KIAA1549L: variants seen among roughly 807,000 people sequenced by gnomAD.
The protein encoded by KIAA1549L is KIAA1549 like.
KIAA1549L carries 88 observed loss-of-function variants against 160.7 expected under a neutral mutation model. That is an observed-to-expected ratio of 0.55 (90% CI 0.46 to 0.65). The LOEUF is 0.65. Among genes scored for constraint, KIAA1549L ranks in the 30% least tolerant of loss-of-function variants. The pLI is 0.00. For synonymous variants in KIAA1549L, 950 were observed against 976.7 expected, an observed-to-expected ratio of 0.97 and a Z score of 0.51; for missense variants, 2,258 against 2,437.5, an observed-to-expected ratio of 0.93 and a Z score of 1.55.
At chr11:33,422,420 C>T (rs1418330743) in intron 1 of KIAA1549L, among the ~76,000 whole-genome samples, 1 of 151,958 alleles carries the variant, frequency 6.6e-6, no homozygotes, top group Non-Finnish European at 1.5e-5. Context: ...ACACTTACTC[C>T]CCTGCTAGAA....
intron 1 of KIAA1549L, among the ~76,000 whole-genome samples, chr11:33,525,730 C>T (rs1013846519): frequency 1.3e-5 from 2 of 151,992 alleles, no homozygotes; most frequent in Non-Finnish European, 2.9e-5. Flanking sequence ...GGCAAGATTT[C>T]AGCTCTGCTC....
chr11:33,559,666 C>T, intron 6 of KIAA1549L, 83 bp from the exon 7 acceptor site: 2 of 1,173,818 alleles, frequency 1.7e-6, no homozygotes, highest in Admixed American at 1.8e-5. Flanking sequence ...TCCTGCTTAG[C>T]CTCCCCCTCC....
At chr11:33,408,497 ATATATATATATATACACATGTATATATG>A (rs1850717713) in intron 1 of KIAA1549L, among the ~76,000 whole-genome samples, 1 of 148,216 alleles carries the variant, frequency 6.7e-6, no homozygotes, top group Non-Finnish European at 1.5e-5. Flanking sequence ...GTGTATATAT[ATATATATATATATACACATGTATATATG>A]TATACAGAAA....
At chr11:33,609,381 A>T (rs1850587958) in intron 14 of KIAA1549L, among the ~76,000 whole-genome samples, 6 of 152,266 alleles carry the variant, frequency 3.9e-5, no homozygotes, top group Admixed American at 1.3e-4. Context: ...AGCTAGACTC[A>T]GGGCACTGAG....
rs538168645 is a variant in KIAA1549L, at chr11:33,606,425, C to T, written c.4880-216C>T. On this transcript the variant is annotated intron_variant, in intron 13 of 20. Transcript: ENST00000658780. ...TTCAAACCTCTACAGTTCTTTCCCA[C>T]CCATGATAAGGCAATGGAGGGATAA... is the stretch of plus-strand genomic sequence containing the variant. 2.4e-4 allele frequency among the ~76,000 whole-genome samples: 36 copies of T among 152,250 alleles called. No individual in the cohort carries two copies. The South Asian group carries it at 3.5e-3, about 15-fold the overall frequency.
intron 17 of KIAA1549L, among the ~76,000 whole-genome samples, chr11:33,647,895 T>TTA (rs569145264): frequency 1.5e-4 from 23 of 152,264 alleles, no homozygotes; most frequent in Non-Finnish European, 2.5e-4. Flanking sequence ...AACATCAGCA[T>TTA]TATATATATA....
intron 7 of KIAA1549L, 62 bp from the exon 8 acceptor site, chr11:33,561,614 T>C (rs1854860852): frequency 7.8e-7 from 1 of 1,286,852 alleles, no homozygotes; most frequent in Non-Finnish European, 1.1e-6. Flanking sequence ...TATAACTAAA[T>C]AAATGAAACG....
chr11:33,434,807 C>T (rs1249445089), intron 1 of KIAA1549L, among the ~76,000 whole-genome samples: 2 of 152,320 alleles, frequency 1.3e-5, no homozygotes, highest in Non-Finnish European at 1.5e-5. Flanking sequence ...TTGACTGGCA[C>T]CATGCCACTG....
At chr11:33,617,354 A>G (rs1025189806) in intron 15 of KIAA1549L, among the ~76,000 whole-genome samples, 26 of 152,130 alleles carry the variant, frequency 1.7e-4, no homozygotes, top group Admixed American at 1.4e-3. Flanking sequence ...TCTCCTCACT[A>G]TGTTGCTATT....
chr11:33,645,611 GTT>G (rs1332212476), intron 16 of KIAA1549L, 73 bp from the exon 17 acceptor site: 1 of 1,089,048 alleles, frequency 9.2e-7, no homozygotes, highest in Non-Finnish European at 1.4e-6. Context: ...CCAAGTGAAT[GTT>G]TTAGAGTAAA....
intron 1 of KIAA1549L, among the ~76,000 whole-genome samples, chr11:33,397,710 T>TCACTCA (rs1850409808): frequency 7.0e-6 from 1 of 142,944 alleles, no homozygotes; most frequent in African/African-American, 2.6e-5. Flanking sequence ...AGACTCCATC[T>TCACTCA]CACACACACA....
At chr11:33,377,297 G>A (rs1849976380) in intron 1 of KIAA1549L, among the ~76,000 whole-genome samples, 1 of 152,136 alleles carries the variant, frequency 6.6e-6, no homozygotes, top group Admixed American at 6.5e-5. Flanking sequence ...TAGGCAATCC[G>A]CGTGTCGGCT....
intron 12 of KIAA1549L, among the ~76,000 whole-genome samples, chr11:33,593,195 C>T (rs1333917827): frequency 3.9e-5 from 6 of 152,042 alleles, no homozygotes; most frequent in South Asian, 2.1e-4. Context: ...TTTGAGAGGC[C>T]GAGGCAGGAG....
intron 16 of KIAA1549L, among the ~76,000 whole-genome samples, chr11:33,643,961 C>T (rs897934513): frequency 1.3e-5 from 2 of 152,180 alleles, no homozygotes; most frequent in East Asian, 1.9e-4. Flanking sequence ...CTCTTAAGAG[C>T]TTCTAAGAGC....
At chr11:33,551,010 A>C (rs767477159) in intron 4 of KIAA1549L, 30 bp from the exon 5 acceptor site, 1 of 1,578,818 alleles carries the variant, frequency 6.3e-7, no homozygotes, top group East Asian at 2.2e-5. Flanking sequence ...GAAATAAACA[A>C]TGGGTTTTGT....
At chr11:33,504,982 G>T (rs2208630) in intron 1 of KIAA1549L, among the ~76,000 whole-genome samples, 106,741 of 152,014 alleles carry the variant, frequency 0.7, 38,036 homozygotes, top group African/African-American at 0.83. Flanking sequence ...GCCCAAGCTG[G>T]TCTCAAACTC....
At chr11:33,414,433 G>T (rs957904013) in intron 1 of KIAA1549L, among the ~76,000 whole-genome samples, 1 of 152,072 alleles carries the variant, frequency 6.6e-6, no homozygotes, top group Non-Finnish European at 1.5e-5. Context: ...GGTGACTTCT[G>T]TTTTCCCCTG....
intron 1 of KIAA1549L, among the ~76,000 whole-genome samples, chr11:33,420,792 A>C (rs957660808): frequency 6.6e-6 from 1 of 152,208 alleles, no homozygotes; most frequent in African/African-American, 2.4e-5. Flanking sequence ...TATGATGAGC[A>C]GACAATGGGT....
At chr11:33,552,801 ATTC>A (rs377052619) in intron 6 of KIAA1549L, among the ~76,000 whole-genome samples, 554 of 152,268 alleles carry the variant, frequency 3.6e-3, no homozygotes, top group African/African-American at 0.013. Context: ...CTTCTGAGGT[ATTC>A]TTACTCCCAT....
Sources: allele counts gnomAD v4.1 joint callset (sites outside exome capture counted in the v4.1 genomes callset), GRCh38; gene constraint gnomAD v4.1.1; transcripts MANE v1.5; gene names NCBI Gene and HGNC (gene_info 2026-07-23, HGNC 2026-07-21).